Variants in DNAH2 observed in about 807,000 individuals in gnomAD.
The protein encoded by DNAH2 is dynein axonemal heavy chain 2, also known as axonemal beta dynein heavy chain 2.
Under a neutral mutation model 523.5 loss-of-function variants are expected in DNAH2, and 323 were observed. That is an observed-to-expected ratio of 0.62 (90% CI 0.56 to 0.68). The LOEUF is 0.68. Among genes scored for constraint, DNAH2 ranks in the 30% least tolerant of loss-of-function variants. The probability of loss-of-function intolerance (pLI) is 0.00; values close to 1 mark genes in which losing one functional copy is unlikely to be tolerated. For synonymous variants in DNAH2, 2,093 were observed against 2,177.4 expected (o/e 0.96, Z 1.08); for missense variants, 4,907 against 5,701.5 (o/e 0.86, Z 4.49).
In DNAH2 at chr17:7,819,230, C is replaced by T. The variant is rs148358215; in HGVS notation, c.10837C>T (p.Arg3613Trp). The T allele has an allele frequency of 3.4e-4, 547 of 1,613,860 alleles. 1 individual carries two copies. Among genetic ancestry groups the T allele is most frequent in the Non-Finnish European group, 4.3e-4 (504 of 1,180,044 alleles). ...GCAGGCTTACCGCCCATGCGCCCAG[C>T]GGGCATCAATCCTGTTCTTCGTGCT... is the stretch of plus-strand genomic sequence containing the variant. ...AREAYRPCAQ[R>W]ASILFFVLND... is the part of the protein sequence containing the mutation. The change falls in exon 72 of 86, where the codon CGG becomes TGG. Residue 3613 changes from arginine (R) to tryptophan (W), a missense_variant. By Grantham distance (101) the Arg-to-Trp change is moderately radical. Around this residue, in one of 3 missense-constraint regions of DNAH2, gnomAD observed 1,851 missense variants for 2,139.4 expected, o/e 0.87. Transcript: ENST00000572933.
rs1597475500 is a variant in DNAH2 at position 7,734,115 on chromosome 17, C to T, written c.629-68C>T. On this transcript the variant is annotated intron_variant, in intron 5 of 85. Coordinates refer to ENST00000572933, the MANE Select transcript of DNAH2 (RefSeq NM_020877.5). ...TCCTGGTCCCCTACCGATCATCAACCGTGATTCCTACGGGGCCAGCAAGAA... is the reference window on the plus strand; with the variant it reads ...TCCTGGTCCCCTACCGATCATCAACTGTGATTCCTACGGGGCCAGCAAGAA... 1.2e-5 allele frequency: 16 copies of T among 1,389,818 alleles called. No homozygotes were observed. The Admixed American group carries it at 1.9e-4, about 17-fold the overall frequency. 86.1% of individuals were successfully genotyped at this position (1,389,818 alleles called of 1,614,324 possible).
rs1181865714 is a variant in DNAH2, at chr17:7,833,137, G to T, written c.13045G>T (p.Val4349Leu). 4 of 1,611,982 alleles carry T rather than the reference G, an allele frequency of 2.5e-6. 1 individual carries two copies. The Admixed American group carries it at 6.7e-5, about 27-fold the overall frequency. Residue 4349 changes from valine (V) to leucine (L), a missense_variant, in exon 85 of 86, where the codon GTG becomes TTG. Coordinates refer to ENST00000572933, the MANE Select transcript of DNAH2 (RefSeq NM_020877.5). ...AGWDRKNSCL[V>L]EAEPMQLVCL... ...CTGGGACCGGAAGAACTCCTGCTTG[G>T]TGGAGGCAGAGCCCATGCAGCTTGT... is the stretch of plus-strand genomic sequence containing the variant.
chr17:7,780,805 G>T lies in DNAH2; in HGVS notation c.6003+23G>T, dbSNP rs1333947070. 24 of 1,613,874 alleles carry T rather than the reference G, an allele frequency of 1.5e-5. No homozygotes were observed. Among genetic ancestry groups the T allele is most frequent in the Non-Finnish European group, 1.9e-5 (22 of 1,179,980 alleles). Reference sequence around the variant, plus strand: ...GAGGTAGAGCAAGGACACAGCCTTTGGACCTGACTTCCACTGTCACTGGAC... The same window carrying T: ...GAGGTAGAGCAAGGACACAGCCTTTTGACCTGACTTCCACTGTCACTGGAC... On this transcript the variant is annotated intron_variant, in intron 38 of 85. Coordinates refer to ENST00000572933, the MANE Select transcript of DNAH2 (RefSeq NM_020877.5). The surrounding 1 kb of genome is among the most constrained non-coding windows in gnomAD (Gnocchi z 4.4).
chr17:7,820,447 C>T (rs959207087), intron 72 of DNAH2, among the ~76,000 whole-genome samples: 3 of 152,202 alleles, frequency 2.0e-5, no homozygotes, highest in Non-Finnish European at 4.4e-5. Context: ...ACCTTTCCCA[C>T]CTTGCACTGG....
At chr17:7,762,075 C>T (rs2076020634) in intron 18 of DNAH2, among the ~76,000 whole-genome samples, 2 of 152,146 alleles carry the variant, frequency 1.3e-5, no homozygotes, top group Non-Finnish European at 2.9e-5. Context: ...TTTCTGTATT[C>T]TCTGGGCCTC....
rs1168751646 is a variant in DNAH2 at position 7,828,811 on chromosome 17, A to AT, written c.11854-1488dup. On this transcript the variant is annotated intron_variant, in intron 77 of 85. Coordinates refer to ENST00000572933, the MANE Select transcript of DNAH2 (RefSeq NM_020877.5). This position sits in a 1 kb window ranked among gnomAD's most constrained non-coding sequence, Gnocchi z 4.1. ...TTGGATTTATTTCTTGGTACTTGACATATCTTGATGTCATAAGTGGCATTT... is the reference window on the plus strand; with the variant it reads ...TTGGATTTATTTCTTGGTACTTGACATTATCTTGATGTCATAAGTGGCATTT... 6.6e-6 allele frequency among the ~76,000 whole-genome samples: 1 copy of AT among 152,070 alleles called. No individual in the cohort carries two copies. The highest frequency in any genetic ancestry group is 1.5e-5 in the Non-Finnish European group (1 of 68,030).
Position 7,830,431 on chromosome 17 carries a change from C to T in DNAH2, c.11985C>T (p.Arg3995=). The change falls in exon 78 of 86, where the codon CGC becomes CGT. Residue 3995 remains arginine, a synonymous_variant. Coordinates refer to ENST00000572933, the MANE Select transcript of DNAH2 (RefSeq NM_020877.5). Reference sequence around the variant, plus strand: ...TCTTCCACTCTGTGTTACTTGAACGCAAAAAGTTCCTGCAGCTTGGCTGGA... The same window carrying T: ...TCTTCCACTCTGTGTTACTTGAACGTAAAAAGTTCCTGCAGCTTGGCTGGA... The part of the protein sequence containing the change: ...LCFFHSVLLE[R]KKFLQLGWNI... The T allele has an allele frequency of 3.1e-6, 5 of 1,614,234 alleles. No homozygotes were observed. Among genetic ancestry groups the T allele is most frequent in the African/African-American group, 1.3e-5 (1 of 75,068 alleles).
chr17:7,786,073 T>A lies in DNAH2; in HGVS notation c.6130-51T>A. 6.3e-7 allele frequency: 1 copy of A among 1,598,016 alleles called. No homozygotes were observed. The highest frequency in any genetic ancestry group is 1.3e-5 in the African/African-American group (1 of 74,626). ...GCACCGGGGAGATTTTGAAAGCCCT[T>A]TAAAGGCCTCATCCTTTTTCTTCTG... On this transcript the variant is annotated intron_variant, in intron 39 of 85. Transcript: ENST00000572933. The surrounding 1 kb of genome is among the most constrained non-coding windows in gnomAD (Gnocchi z 7.5).
intron 4 of DNAH2, among the ~76,000 whole-genome samples, chr17:7,728,360 C>T (rs201405828): frequency 2.6e-5 from 4 of 151,974 alleles, no homozygotes; most frequent in Non-Finnish European, 5.9e-5. Context: ...CTCATATTGG[C>T]GGCACATATA....
At chr17:7,741,296 TCCTTCCTTCCCTCCCTCCCTCCCTCCC>T (rs2075328589) in intron 11 of DNAH2, among the ~76,000 whole-genome samples, 1 of 41,826 alleles carries the variant, frequency 2.4e-5, no homozygotes, top group African/African-American at 1.6e-4. Context: ...CTTTCTTTCT[TCCTTCCTTCCCTCCCTCCCTCCCTCCC>T]TCCTTCCTTC....
rs1400961652 is a variant in DNAH2, at chr17:7,833,533, A to G, written c.13284A>G (p.Ter4428TrpextTer8). ...CTCTACTCATGAGCCTGGACAGCTG[A>G]GACCTCCTCCTCTTCTCCGCTTGAG... ...GTALLMSLDS[*>W] Residue 4428 changes from the stop codon to tryptophan, a stop_lost, in exon 86 of 86, where the codon TGA (stop) becomes TGG (tryptophan). Coordinates refer to ENST00000572933, the MANE Select transcript of DNAH2 (RefSeq NM_020877.5). 7 of 1,613,420 alleles carry G rather than the reference A, an allele frequency of 4.3e-6. No homozygotes were observed. The Admixed American group carries it at 5.0e-5, about 12-fold the overall frequency.
chr17:7,792,810 G>A lies in DNAH2; in HGVS notation c.7299G>A (p.Leu2433=). 6.2e-7 allele frequency: 1 copy of A among 1,614,176 alleles called. No individual in the cohort carries two copies. Among genetic ancestry groups the A allele is most frequent in the Non-Finnish European group, 8.5e-7 (1 of 1,180,012 alleles). ...TCGCCCAGAGCGTTCTGCAGTCCCTGCCCTCCAGCCAGTGGTCGGTGCTCG... is the reference window on the plus strand; with the variant it reads ...TCGCCCAGAGCGTTCTGCAGTCCCTACCCTCCAGCCAGTGGTCGGTGCTCG... ...TSIAQSVLQS[L]PSSQWSVLVV... The change falls in exon 47 of 86, where the codon CTG becomes CTA. Residue 2433 remains leucine (L), a synonymous_variant. Transcript: ENST00000572933.
In DNAH2 at chr17:7,832,777, AG is replaced by A. The variant is rs745505642; in HGVS notation, c.12903+29del. ...CAACGTGAGCAATGTGCAAAGTGTG[AG>A]GGGGGGATGTATGCTGGGGCCATGT... On this transcript the variant is annotated intron_variant, in intron 83 of 85. Transcript: ENST00000572933. The surrounding 1 kb of genome is among the most constrained non-coding windows in gnomAD (Gnocchi z 4.3). 11 of 1,613,954 alleles carry A rather than the reference AG, an allele frequency of 6.8e-6. No homozygotes were observed. Among genetic ancestry groups the A allele is most frequent in the Non-Finnish European group, 8.5e-6 (10 of 1,179,986 alleles).
chr17:7,814,185 C>CAAA (rs59214536), intron 63 of DNAH2, among the ~76,000 whole-genome samples: 5 of 101,446 alleles, frequency 4.9e-5, no homozygotes, highest in African/African-American at 7.2e-5. Flanking sequence ...CACTATTCTC[C>CAAA]AAAAAAAAAA....
chr17:7,738,288 G>A (rs1247931153), intron 8 of DNAH2, among the ~76,000 whole-genome samples: 1 of 152,034 alleles, frequency 6.6e-6, no homozygotes, highest in Non-Finnish European at 1.5e-5. Flanking sequence ...TACAGATACT[G>A]TATCTCATTG....
chr17:7,718,784 A>C lies in DNAH2; in HGVS notation c.-30A>C, dbSNP rs1345985428. On this transcript the variant is annotated 5_prime_UTR_variant, in exon 1 of 86. Coordinates refer to ENST00000572933, the MANE Select transcript of DNAH2 (RefSeq NM_020877.5). ...CAGTGTTCCTGCCCCTCAGGACTTC[A>C]AAGCGATAGACCCAGGTGGCAAATA... 1 of 152,828 alleles carries C rather than the reference A, an allele frequency of 6.5e-6. No homozygotes were observed. Among genetic ancestry groups the C allele is most frequent in the African/African-American group, 2.4e-5 (1 of 41,456 alleles). 9.5% of individuals were successfully genotyped at this position (152,828 alleles called of 1,614,324 possible).
chr17:7,777,660 C>T (rs775729457), intron 33 of DNAH2, 26 bp downstream of exon 33: 1 of 1,612,440 alleles, frequency 6.2e-7, no homozygotes, highest in Non-Finnish European at 8.5e-7. Context: ...CCTCCCCACT[C>T]TCTTACCGTA....
intron 12 of DNAH2, among the ~76,000 whole-genome samples, chr17:7,750,628 CCTCT>C (rs1008259666): frequency 6.6e-6 from 1 of 152,220 alleles, no homozygotes; most frequent in African/African-American, 2.4e-5. Flanking sequence ...TTGGCTTTGG[CCTCT>C]CTCTTTTACT....
In DNAH2 at chr17:7,777,370, T is replaced by C. The variant is rs896085138; in HGVS notation, c.5059-76T>C. 10 of 1,542,288 alleles carry C rather than the reference T, an allele frequency of 6.5e-6. No individual in the cohort carries two copies. In the South Asian group the frequency reaches 1.2e-4, roughly 18 times the overall value. On this transcript the variant is annotated intron_variant, in intron 32 of 85. Transcript: ENST00000572933. ...GTCAGCACCGGGTTGGAAGCGGTGC[T>C]GGGTAGGGGCAAGGGTTGATCAGGC...
Sources: gnomAD v4.1 joint callset for allele counts (sites outside exome capture counted in the v4.1 genomes callset) on GRCh38, gnomAD v4.1.1 for gene constraint, gnomAD v4.1.1 regional missense constraint, Gnocchi (gnomAD v3.1) non-coding constraint, MANE v1.5 for transcripts, NCBI Gene and HGNC (gene_info 2026-07-23, HGNC 2026-07-21) for gene names.